PPP2R2B: variants seen among roughly 807,000 people sequenced by gnomAD.
The protein encoded by PPP2R2B is serine/threonine-protein phosphatase 2A 55 kDa regulatory subunit B beta isoform.
A neutral mutation model predicts 46.0 loss-of-function variants in PPP2R2B; 5 were observed. That is an observed-to-expected ratio of 0.11 (90% CI 0.06 to 0.23). The LOEUF is 0.23. Ranked by LOEUF, PPP2R2B falls within the 10% of genes least tolerant of loss-of-function variation. The probability of loss-of-function intolerance (pLI) is 1.00; values close to 1 mark genes in which losing one functional copy is unlikely to be tolerated. For synonymous variants in PPP2R2B, 215 were observed against 206.7 expected, an observed-to-expected ratio of 1.04 and a Z score of -0.34; for missense variants, 367 against 575.0, an observed-to-expected ratio of 0.64 and a Z score of 3.70.
At chr5:146,740,573 TCACA>T (rs3995489) in intron 2 of PPP2R2B, among the ~76,000 whole-genome samples, 30,225 of 137,646 alleles carry the variant, frequency 0.22, 3,440 homozygotes, top group East Asian at 0.35. Flanking sequence ...TAAAATGAGA[TCACA>T]CACACACACA....
rs528326108 is a variant in PPP2R2B, at chr5:147,051,386, G to A, written c.79+4279C>T. ...TTAGCACACAGCCAGTGGTCCACAG[G>A]GTTCATGGTGCTGAAGCTGCTTCTT... On this transcript the variant is annotated intron_variant, in intron 1 of 8. Coordinates refer to the PPP2R2B transcript ENST00000336640. 1.1e-4 allele frequency among the ~76,000 whole-genome samples: 17 copies of A among 152,238 alleles called. No homozygotes were observed. In the East Asian group the frequency reaches 3.1e-3, roughly 28 times the overall value.
At chr5:146,953,476 G>C (rs1751721977) in intron 1 of PPP2R2B, among the ~76,000 whole-genome samples, 1 of 152,038 alleles carries the variant, frequency 6.6e-6, no homozygotes, top group African/African-American at 2.4e-5. Context: ...TCAAACGATG[G>C]GAACCTCACA....
chr5:146,887,332 A>G (rs1762360171), intron 1 of PPP2R2B, among the ~76,000 whole-genome samples: 1 of 152,106 alleles, frequency 6.6e-6, no homozygotes, highest in Non-Finnish European at 1.5e-5. Flanking sequence ...CAAAATTTTT[A>G]TTCCATTTGC....
At position 146,585,239 on chromosome 5, in the gene PPP2R2B, G is replaced by GTAAC. The variant is rs1212509198; in HGVS notation, c.*4704_*4707dup. The GTAAC allele has an allele frequency of 2.9e-5, 4 of 138,786 alleles. No homozygotes were observed. Among genetic ancestry groups the GTAAC allele is most frequent in the Non-Finnish European group, 4.5e-5 (3 of 66,196 alleles). 8.6% of individuals were successfully genotyped at this position (138,786 alleles called of 1,614,324 possible). The stretch of plus-strand genomic sequence containing the variant: ...ATTACTGGGGCTTGTTTTCTGATCA[G>GTAAC]TAACTTCCATCTACATGCATACACA... On this transcript the variant is annotated 3_prime_UTR_variant, in exon 10 of 10. Transcript: ENST00000394411.
chr5:146,784,186 C>T (rs2151286652), intron 2 of PPP2R2B, among the ~76,000 whole-genome samples: 1 of 152,228 alleles, frequency 6.6e-6, no homozygotes, highest in African/African-American at 2.4e-5. Flanking sequence ...CTAGTTTTTT[C>T]TGTAAATAGC....
chr5:146,595,226 G>C (rs1771056251), intron 8 of PPP2R2B, among the ~76,000 whole-genome samples: 1 of 152,162 alleles, frequency 6.6e-6, no homozygotes, highest in South Asian at 2.1e-4. Flanking sequence ...GGGCTGCAAG[G>C]GTGAGGCTGT....
At chr5:146,817,762 G>A (rs182628548) in intron 2 of PPP2R2B, among the ~76,000 whole-genome samples, 263 of 152,232 alleles carry the variant, frequency 1.7e-3, no homozygotes, top group Non-Finnish European at 2.1e-3. Flanking sequence ...AGTGGTATGC[G>A]CCACTTTACA....
chr5:146,621,953 A>G (rs1207406990), intron 7 of PPP2R2B, among the ~76,000 whole-genome samples: 3 of 152,150 alleles, frequency 2.0e-5, no homozygotes, highest in South Asian at 2.1e-4. Context: ...ACTTCCTCCC[A>G]GTGTACTCTA....
At chr5:146,932,733 G>T (rs557854197) in intron 1 of PPP2R2B, among the ~76,000 whole-genome samples, 6 of 152,162 alleles carry the variant, frequency 3.9e-5, no homozygotes, top group African/African-American at 1.2e-4. Flanking sequence ...TAGTGGCCCA[G>T]GTGGCTGAAT....
intron 6 of PPP2R2B, among the ~76,000 whole-genome samples, chr5:146,644,355 T>G (rs182358716): frequency 6.6e-6 from 1 of 151,876 alleles, no homozygotes; most frequent in East Asian, 1.9e-4. Flanking sequence ...GAACCCACAT[T>G]GTTGAATTAG....
intron 2 of PPP2R2B, among the ~76,000 whole-genome samples, chr5:146,846,131 G>A (rs1297271360): frequency 6.6e-6 from 1 of 152,128 alleles, no homozygotes; most frequent in East Asian, 1.9e-4. Flanking sequence ...TGTAAACCCA[G>A]CACTTTGGGA....
intron 2 of PPP2R2B, among the ~76,000 whole-genome samples, chr5:146,718,641 C>T (rs573994199): frequency 2.0e-5 from 3 of 152,302 alleles, no homozygotes; most frequent in African/African-American, 7.2e-5. Flanking sequence ...CACACACACC[C>T]TTCTGCTACT....
At chr5:146,653,432 G>A (rs1432875433) in intron 5 of PPP2R2B, among the ~76,000 whole-genome samples, 1 of 152,150 alleles carries the variant, frequency 6.6e-6, no homozygotes, top group Non-Finnish European at 1.5e-5. Context: ...TCAGAAATGT[G>A]TGCCATGCTT....
chr5:146,620,774 T>G lies in PPP2R2B; in HGVS notation c.790+17477A>C, dbSNP rs187725405. On this transcript the variant is annotated intron_variant, in intron 7 of 9. Transcript: ENST00000394411. ...GCATGCTCTCCCCTCCCTCCTTCCC[T>G]CTCATAATTTGTTCCCAACAGGTAG... 3.2e-3 allele frequency among the ~76,000 whole-genome samples: 493 copies of G among 152,152 alleles called. 4 individuals carry two copies. The highest frequency in any genetic ancestry group is 0.011 in the African/African-American group (473 of 41,496).
intron 1 of PPP2R2B, among the ~76,000 whole-genome samples, chr5:146,939,593 G>GA (rs1350724097): frequency 1.3e-5 from 2 of 152,184 alleles, no homozygotes; most frequent in Non-Finnish European, 2.9e-5. Context: ...ACTTTAAGGG[G>GA]AAAATGCAAC....
At chr5:146,978,425 T>G (rs1380091185) in intron 1 of PPP2R2B, among the ~76,000 whole-genome samples, 1 of 152,236 alleles carries the variant, frequency 6.6e-6, no homozygotes, top group Non-Finnish European at 1.5e-5. Flanking sequence ...TTTGGTGTTT[T>G]AGTCATGAAG....
chr5:146,880,682 C>T (rs1458489640), upstream of PPP2R2B, among the ~76,000 whole-genome samples: 1 of 152,152 alleles, frequency 6.6e-6, no homozygotes, highest in Non-Finnish European at 1.5e-5. Flanking sequence ...ATCAGGTAGG[C>T]CCAGGCTCAT....
chr5:147,002,314 C>T (rs1177127991), intron 1 of PPP2R2B, among the ~76,000 whole-genome samples: 1 of 152,248 alleles, frequency 6.6e-6, no homozygotes, highest in South Asian at 2.1e-4. Context: ...ACAAAAGCTA[C>T]TCCTGAAGCT....
At chr5:147,014,517 A>G (rs1162118612) in intron 1 of PPP2R2B, among the ~76,000 whole-genome samples, 1 of 152,176 alleles carries the variant, frequency 6.6e-6, no homozygotes, top group African/African-American at 2.4e-5. Flanking sequence ...CTGGATTAAG[A>G]AAATGTGGCA....
Sources: allele counts gnomAD v4.1 joint callset (sites outside exome capture counted in the v4.1 genomes callset), GRCh38; gene constraint gnomAD v4.1.1; transcripts MANE v1.5; gene names NCBI Gene and HGNC (gene_info 2026-07-23, HGNC 2026-07-21).